The following FER1L5 variants were observed in gnomAD, a reference collection of about 807,000 sequenced individuals.
The protein encoded by FER1L5 is fer-1-like protein 5.
FER1L5 carries 187 observed loss-of-function variants against 279.9 expected under a neutral mutation model. The ratio of observed to expected loss-of-function variants is 0.67; its 90% CI spans 0.59 to 0.75. The LOEUF (loss-of-function observed/expected upper bound fraction) is 0.75. Ranked by LOEUF, FER1L5 falls within the 30% of genes least tolerant of loss-of-function variation. The pLI is 0.00. For synonymous variants in FER1L5, 921 were observed against 989.7 expected (o/e 0.93, Z 1.30); for missense variants, 2,091 against 2,594.4 (o/e 0.81, Z 4.21).
At chr2:96,676,139 C>T (rs1045526517) in intron 19 of FER1L5, among the ~76,000 whole-genome samples, 1 of 152,112 alleles carries the variant, frequency 6.6e-6, no homozygotes, top group Non-Finnish European at 1.5e-5. Flanking sequence ...AGTGGAGCAC[C>T]ATTTGCCTGA....
chr2:96,677,910 A>G (rs1432337359), intron 19 of FER1L5, among the ~76,000 whole-genome samples: 1 of 151,958 alleles, frequency 6.6e-6, no homozygotes, highest in Non-Finnish European at 1.5e-5. Context: ...ATTCGTATAC[A>G]AGTCTTTAAG....
chr2:96,703,977 G>A (rs367611117), intron 51 of FER1L5, among the ~76,000 whole-genome samples: 4 of 151,878 alleles, frequency 2.6e-5, no homozygotes, highest in Non-Finnish European at 4.4e-5. Context: ...CACCATGCCC[G>A]GCTAATTTTT....
In FER1L5 at chr2:96,699,860, T is replaced by C. The variant is rs527236288; in HGVS notation, c.4782-72T>C. 8 of 1,587,890 alleles carry C rather than the reference T, an allele frequency of 5.0e-6. No homozygotes were observed. In the African/African-American group the frequency reaches 1.1e-4, roughly 21 times the overall value. ...TCTCCACCCAAGCTTCCACCCGTGG[T>C]CAACCTGCAGCTCACAGCAGTGTTC... On this transcript the variant is annotated intron_variant, in intron 43 of 52. Transcript: ENST00000624922.
At chr2:96,659,481 C>CTTTCTT (rs2075849754) in intron 9 of FER1L5, among the ~76,000 whole-genome samples, 5 of 31,376 alleles carry the variant, frequency 1.6e-4, no homozygotes, top group African/African-American at 2.8e-4. Context: ...TTCTTTCTTT[C>CTTTCTT]TTTCTTTCTT....
In FER1L5 at chr2:96,702,616, G is replaced by C; in HGVS notation, c.5272G>C (p.Glu1758Gln). 6.3e-7 allele frequency: 1 copy of C among 1,581,352 alleles called. No individual in the cohort carries two copies. Among genetic ancestry groups the C allele is most frequent in the Non-Finnish European group, 8.6e-7 (1 of 1,164,004 alleles). Residue 1758 changes from glutamate to glutamine, a missense_variant, in exon 48 of 53, where the codon GAG becomes CAG. Physicochemically the swap from Glu to Gln is conservative, Grantham distance 29. Coordinates refer to ENST00000624922, the MANE Select transcript of FER1L5 (RefSeq NM_001293083.2). The surrounding 1 kb of genome is among the most constrained non-coding windows in gnomAD (Gnocchi z 4.0). ...TGGCCCCAGGTGGTTATACGGGCTG[G>C]AGAAGGACATGCAGAAGACAGACAT... ...IYIKGWLYGL[E>Q]KDMQKTDIHY...
At chr2:96,649,035 CGGT>C (rs2075256288) in intron 4 of FER1L5, among the ~76,000 whole-genome samples, 3 of 86,454 alleles carry the variant, frequency 3.5e-5, no homozygotes, top group African/African-American at 1.4e-4. Context: ...TTTTGTCACA[CGGT>C]GGGGGGGTGG....
At chr2:96,647,662 T>G in intron 3 of FER1L5, 116 bp from the exon 4 acceptor site, 1 of 726,676 alleles carries the variant, frequency 1.4e-6, no homozygotes, top group South Asian at 1.7e-5. Context: ...CCAGCCTCTC[T>G]CTGAGGACAG....
chr2:96,651,651 C>T (rs1240087534), intron 6 of FER1L5, among the ~76,000 whole-genome samples: 1 of 152,026 alleles, frequency 6.6e-6, no homozygotes, highest in Non-Finnish European at 1.5e-5. Flanking sequence ...CAGGCATGCA[C>T]CACCAAGCTC....
intron 19 of FER1L5, among the ~76,000 whole-genome samples, chr2:96,678,747 G>A (rs989683046): frequency 6.6e-6 from 1 of 152,120 alleles, no homozygotes; most frequent in Non-Finnish European, 1.5e-5. Flanking sequence ...CTTTTCATGT[G>A]CTCATTAACC....
intron 19 of FER1L5, among the ~76,000 whole-genome samples, chr2:96,682,478 C>T (rs2076766558): frequency 6.6e-6 from 1 of 152,162 alleles, no homozygotes; most frequent in Non-Finnish European, 1.5e-5. Flanking sequence ...CCATGTGTCT[C>T]ACTGATGCTG....
intron 1 of FER1L5, among the ~76,000 whole-genome samples, chr2:96,645,942 C>T (rs555204144): frequency 6.6e-6 from 1 of 151,480 alleles, no homozygotes; most frequent in South Asian, 2.1e-4. Flanking sequence ...ATCACACCTG[C>T]CACCTGCCTT....
intron 19 of FER1L5, among the ~76,000 whole-genome samples, chr2:96,677,773 G>C: frequency 6.6e-6 from 1 of 151,888 alleles, no homozygotes; most frequent in South Asian, 2.1e-4. Context: ...GCTGAGGCAG[G>C]AGAATTGCTT....
In FER1L5 at chr2:96,689,150, G is replaced by A; in HGVS notation, c.2362-63G>A. ...GCCCAGAGTCAGGGGGCCCAGGGGAGGCCCATGTCCCCGCACTTTGTGCTA... is the reference window on the plus strand; with the variant it reads ...GCCCAGAGTCAGGGGGCCCAGGGGAAGCCCATGTCCCCGCACTTTGTGCTA... On this transcript the variant is annotated intron_variant, in intron 24 of 52. Transcript: ENST00000624922. This position sits in a 1 kb window ranked among gnomAD's most constrained non-coding sequence, Gnocchi z 4.6. The A allele has an allele frequency of 4.0e-6, 6 of 1,501,436 alleles. No homozygotes were observed. Among genetic ancestry groups the A allele is most frequent in the Non-Finnish European group, 5.3e-6 (6 of 1,126,164 alleles). The allele number at this position is 1,501,436 out of a possible 1,614,324, so 93.0% of individuals were successfully genotyped here. A position where few individuals can be genotyped will look rare whatever the true frequency, so the allele number is the denominator to read the frequency against.
chr2:96,670,880 A>C (rs1406506200), intron 18 of FER1L5, among the ~76,000 whole-genome samples: 8 of 151,884 alleles, frequency 5.3e-5, no homozygotes, highest in Non-Finnish European at 1.2e-4. Flanking sequence ...TCAGGCGGGC[A>C]GATCACTTGG....
In FER1L5 at chr2:96,647,833, G is replaced by A. The variant is rs1442581848; in HGVS notation, c.286G>A (p.Val96Ile). 3.2e-6 allele frequency: 5 copies of A among 1,551,794 alleles called. No individual in the cohort carries two copies. The highest frequency in any genetic ancestry group is 2.4e-5 in the East Asian group (1 of 40,918). ...GCCATTGTTGAAACAACCAAGTGAG[G>A]TCCTTTTTGTGAAGGACTTGACCCT... is the stretch of plus-strand genomic sequence containing the variant. ...LKPLLKQPSE[V>I]LFVKDLTLLN... Residue 96 changes from valine (V) to isoleucine (I), a missense_variant, in exon 4 of 53, where the codon GTC (valine) becomes ATC (isoleucine). Transcript: ENST00000624922.
chr2:96,700,515 T>G, intron 45 of FER1L5, 44 bp downstream of exon 45: 22 of 1,608,620 alleles, frequency 1.4e-5, no homozygotes, highest in Non-Finnish European at 1.9e-5. Flanking sequence ...CAGGAGGAGC[T>G]AGATCAGGAG....
At position 96,684,381 on chromosome 2, in the gene FER1L5, C is replaced by T; in HGVS notation, c.1724C>T (p.Thr575Ile). 6.4e-7 allele frequency: 1 copy of T among 1,551,698 alleles called. No homozygotes were observed. Residue 575 changes from threonine to isoleucine, a missense_variant, in exon 20 of 53, where the codon ACC (threonine) becomes ATC (isoleucine). Coordinates refer to ENST00000624922, the MANE Select transcript of FER1L5 (RefSeq NM_001293083.2). ...WYNTKPVVAV[T>I]SNWEDVSFRM... ...AACACCAAGCCTGTCGTGGCCGTGA[C>T]CTCCAACTGGGAGGACGTCAGCTTC...
At chr2:96,700,600 C>CTTGTCTTCTGTGCATGT in intron 45 of FER1L5, 129 bp downstream of exon 45, 1 of 1,232,094 alleles carries the variant, frequency 8.1e-7, no homozygotes, top group Non-Finnish European at 1.1e-6. Flanking sequence ...AATGTACATG[C>CTTGTCTTCTGTGCATGT]ACAGAAGACA....
At chr2:96,663,942 G>T (rs1355531845) in intron 14 of FER1L5, among the ~76,000 whole-genome samples, 2 of 151,944 alleles carry the variant, frequency 1.3e-5, no homozygotes, top group East Asian at 1.9e-4. Context: ...ACTCGGGAGG[G>T]TGAGGCAGGA....
Sources: gnomAD v4.1 joint callset for allele counts (sites outside exome capture counted in the v4.1 genomes callset) on GRCh38, gnomAD v4.1.1 for gene constraint, Gnocchi (gnomAD v3.1) non-coding constraint, MANE v1.5 for transcripts, NCBI Gene and HGNC (gene_info 2026-07-23, HGNC 2026-07-21) for gene names.